Variants in DNM3 observed in about 807,000 individuals in gnomAD.
DNM3 encodes dynamin-3.
DNM3 carries 47 observed loss-of-function variants against 101.6 expected under a neutral mutation model. That is an observed-to-expected ratio of 0.46 (90% CI 0.37 to 0.59). The LOEUF (loss-of-function observed/expected upper bound fraction) is 0.59, where lower values mean the gene tolerates loss of function less well. Ranked by LOEUF, DNM3 falls within the 20% of genes least tolerant of loss-of-function variation. DNM3 has a pLI of 0.00. For synonymous variants in DNM3, 385 were observed against 387.9 expected, an observed-to-expected ratio of 0.99 and a Z score of 0.09; for missense variants, 849 against 1,085.7, an observed-to-expected ratio of 0.78 and a Z score of 3.06.
At position 172,411,607 on chromosome 1, in the gene DNM3, T is replaced by TAAG. The variant is rs547313248; in HGVS notation, c.*3768_*3770dup. On this transcript the variant is annotated 3_prime_UTR_variant, in exon 21 of 21. Transcript: ENST00000627582. ...TTTCTGAGTAAATTTGCTGAAAATA[T>TAAG]AAGAGAGAAGCTATCTAATACCTTG... 9.3e-5 allele frequency: 92 copies of TAAG among 984,856 alleles called. 1 individual carries two copies. The South Asian group carries it at 4.0e-3, about 43-fold the overall frequency. The allele number at this position is 984,856 out of a possible 1,614,324, so 61.0% of individuals were successfully genotyped here. A position where few individuals can be genotyped will look rare whatever the true frequency, so the allele number is the denominator to read the frequency against.
At chr1:172,337,866 T>TTTTATTTTA (rs2066501774) in intron 17 of DNM3, among the ~76,000 whole-genome samples, 17 of 113,164 alleles carry the variant, frequency 1.5e-4, no homozygotes, top group African/African-American at 4.3e-4. Flanking sequence ...TTTTATTTTA[T>TTTTATTTTA]TTTTATTTTA....
intron 15 of DNM3, among the ~76,000 whole-genome samples, chr1:172,263,622 G>A (rs1034025643): frequency 3.3e-5 from 5 of 152,102 alleles, no homozygotes; most frequent in African/African-American, 1.2e-4. Flanking sequence ...TATGTGCAGG[G>A]GAACTTCCCT....
intron 2 of DNM3, among the ~76,000 whole-genome samples, chr1:171,975,516 A>T (rs1206025568): frequency 1.3e-5 from 2 of 152,168 alleles, no homozygotes; most frequent in South Asian, 4.1e-4. Flanking sequence ...AATAGATATC[A>T]CTCCAAGTTA....
In DNM3 at chr1:172,411,349, T is replaced by G. The variant is rs1190949235; in HGVS notation, c.*3508T>G. On this transcript the variant is annotated 3_prime_UTR_variant, in exon 21 of 21. Transcript: ENST00000627582. Reference sequence around the variant, plus strand: ...ATGGTAATGTCCATAGACATTTGTATCTGAATCCACAAGAAGATCTGAATC... The same window carrying G: ...ATGGTAATGTCCATAGACATTTGTAGCTGAATCCACAAGAAGATCTGAATC... The G allele has an allele frequency of 1.0e-6, 1 of 985,112 alleles. No homozygotes were observed. The highest frequency in any genetic ancestry group is 1.1e-4 in the East Asian group (1 of 8,814). 61.0% of individuals were successfully genotyped at this position (985,112 alleles called of 1,614,324 possible).
chr1:172,175,650 A>G (rs1169725794), intron 14 of DNM3, among the ~76,000 whole-genome samples: 2 of 151,822 alleles, frequency 1.3e-5, no homozygotes, highest in Non-Finnish European at 2.9e-5. Flanking sequence ...AAGAAATAAA[A>G]TTTTGTGAAG....
chr1:171,927,298 C>T (rs1486888536), intron 2 of DNM3, among the ~76,000 whole-genome samples: 1 of 152,060 alleles, frequency 6.6e-6, no homozygotes, highest in Non-Finnish European at 1.5e-5. Flanking sequence ...TAAATAAACC[C>T]ATGTCATGGG....
intron 2 of DNM3, among the ~76,000 whole-genome samples, chr1:171,957,732 T>C (rs1271741133): frequency 6.6e-6 from 1 of 151,780 alleles, no homozygotes; most frequent in Non-Finnish European, 1.5e-5. Context: ...ATAGCAAGAG[T>C]CACCTTTACT....
intron 15 of DNM3, among the ~76,000 whole-genome samples, chr1:172,278,208 GT>G (rs563548097): frequency 5.7e-4 from 87 of 151,714 alleles, no homozygotes; most frequent in Middle Eastern, 3.4e-3. Context: ...AATAGCTATG[GT>G]TTTTTTTCTG....
At chr1:171,844,542 C>T (rs945191276) in intron 1 of DNM3, among the ~76,000 whole-genome samples, 1 of 152,146 alleles carries the variant, frequency 6.6e-6, no homozygotes, top group Non-Finnish European at 1.5e-5. Context: ...AATATGTTTA[C>T]TTCATTTAGC....
intron 4 of DNM3, among the ~76,000 whole-genome samples, chr1:172,028,517 C>A (rs1427604984): frequency 6.6e-6 from 1 of 151,954 alleles, no homozygotes; most frequent in Non-Finnish European, 1.5e-5. Context: ...ACTAGAGAAG[C>A]AAGAGCAAAC....
Position 172,191,655 on chromosome 1 carries a change from G to A in DNM3, c.1659+60367G>A, listed in dbSNP as rs185256003. Among the ~76,000 whole-genome samples, 29 of 152,216 alleles carry A rather than the reference G, an allele frequency of 1.9e-4. 1 individual carries two copies. In the South Asian group the frequency reaches 2.3e-3, roughly 12 times the overall value. On this transcript the variant is annotated intron_variant, in intron 14 of 20. Coordinates refer to ENST00000627582, the MANE Select transcript of DNM3 (RefSeq NM_015569.5). Reference sequence around the variant, plus strand: ...GGTTCTTGCTATCCATGAGCATGGAGTGTTCTTCCATTTGTTTGTGTCCTC... The same window carrying A: ...GGTTCTTGCTATCCATGAGCATGGAATGTTCTTCCATTTGTTTGTGTCCTC...
At chr1:172,001,888 A>G (rs1477095038) in intron 4 of DNM3, among the ~76,000 whole-genome samples, 1 of 151,992 alleles carries the variant, frequency 6.6e-6, no homozygotes, top group African/African-American at 2.4e-5. Context: ...ATGTAAACTG[A>G]TATTCATTGA....
At chr1:172,016,663 A>G (rs2047475157) in intron 4 of DNM3, among the ~76,000 whole-genome samples, 1 of 152,180 alleles carries the variant, frequency 6.6e-6, no homozygotes, top group South Asian at 2.1e-4. Context: ...GAGATTGTGG[A>G]AAATTGGTAT....
rs1262906967 is a variant in DNM3 at position 172,032,583 on chromosome 1, G to A, written c.688+83G>A. The stretch of plus-strand genomic sequence containing the variant: ...TATATGGAAGAGAAATGATTGGGAA[G>A]CCACTAGGAGGTTTGGTTTTAATGC... On this transcript the variant is annotated intron_variant, in intron 5 of 20. Coordinates refer to ENST00000627582, the MANE Select transcript of DNM3 (RefSeq NM_015569.5). 5.9e-6 allele frequency: 5 copies of A among 849,544 alleles called. No homozygotes were observed. The African/African-American group carries it at 9.1e-5, about 15-fold the overall frequency. The allele number at this position is 849,544 out of a possible 1,614,324, so 52.6% of individuals were successfully genotyped here.
intron 17 of DNM3, among the ~76,000 whole-genome samples, chr1:172,365,203 TTA>T: frequency 6.6e-6 from 1 of 152,022 alleles, no homozygotes; most frequent in African/African-American, 2.4e-5. Context: ...AGTATTGTGT[TTA>T]TGTTTTCTAA....
rs192121664 is a variant in DNM3, at chr1:172,163,321, C to T, written c.1659+32033C>T. Among the ~76,000 whole-genome samples the T allele has an allele frequency of 1.6e-4, 25 of 151,716 alleles. 2 individuals carry two copies. In the East Asian group the frequency reaches 4.9e-3, roughly 30 times the overall value. On this transcript the variant is annotated intron_variant, in intron 14 of 20. Coordinates refer to ENST00000627582, the MANE Select transcript of DNM3 (RefSeq NM_015569.5). Reference sequence around the variant, plus strand: ...TGGTGTGATCTTGGCTCACTGCAACCTCCATCTCCTGGGTTCAAGCCATTT... The same window carrying T: ...TGGTGTGATCTTGGCTCACTGCAACTTCCATCTCCTGGGTTCAAGCCATTT...
At chr1:172,238,749 A>G (rs565573882) in intron 14 of DNM3, among the ~76,000 whole-genome samples, 1 of 152,152 alleles carries the variant, frequency 6.6e-6, no homozygotes, top group African/African-American at 2.4e-5. Flanking sequence ...GGCAGCAGCA[A>G]TAGCAGCTGA....
intron 14 of DNM3, among the ~76,000 whole-genome samples, chr1:172,227,973 A>G (rs1178022012): frequency 6.6e-6 from 1 of 152,114 alleles, no homozygotes. Flanking sequence ...GTCTTTCATT[A>G]TCTGAGAACT....
At chr1:172,383,507 A>C (rs2069029180) in intron 18 of DNM3, among the ~76,000 whole-genome samples, 1 of 152,158 alleles carries the variant, frequency 6.6e-6, no homozygotes, top group Admixed American at 6.5e-5. Flanking sequence ...ATTTTAATAC[A>C]TGTATTGTGT....
Sources: allele counts gnomAD v4.1 joint callset (sites outside exome capture counted in the v4.1 genomes callset), GRCh38; gene constraint gnomAD v4.1.1; transcripts MANE v1.5; gene names NCBI Gene and HGNC (gene_info 2026-07-23, HGNC 2026-07-21).